Variants in CERS3 observed in about 807,000 individuals in gnomAD.
CERS3 encodes ceramide synthase 3, also known as LAG1 homolog, ceramide synthase 3.
CERS3 carries 33 observed loss-of-function variants against 50.3 expected under a neutral mutation model. That is an observed-to-expected ratio of 0.66 (90% CI 0.50 to 0.88). The LOEUF (loss-of-function observed/expected upper bound fraction) is 0.88. Among genes scored for constraint, CERS3 ranks in the 40% least tolerant of loss-of-function variants. The pLI is 0.00. For synonymous variants in CERS3, 176 were observed against 155.2 expected (o/e 1.13, Z -0.99); for missense variants, 470 against 460.3 (o/e 1.02, Z -0.19).
chr15:100,454,793 G>A (rs2034303957), intron 11 of CERS3, among the ~76,000 whole-genome samples: 1 of 113,536 alleles, frequency 8.8e-6, no homozygotes, highest in Non-Finnish European at 2.1e-5. Context: ...TGTTGAATGG[G>A]AGAAAATATT....
Position 100,509,606 on chromosome 15 carries a change from C to T in CERS3, c.-1-7756G>A, listed in dbSNP as rs995434122. 5.3e-5 allele frequency among the ~76,000 whole-genome samples: 8 copies of T among 152,262 alleles called. 1 individual carries two copies. In the South Asian group the frequency reaches 1.5e-3, roughly 28 times the overall value. ...GCAAGGATGCGCTTGAGTTCACATT[C>T]GCGATCTCTGAACATTATTATGGTT... On this transcript the variant is annotated intron_variant, in intron 2 of 11. Coordinates refer to ENST00000679737, the MANE Select transcript of CERS3 (RefSeq NM_001378789.1).
chr15:100,503,794 G>A (rs2036082423), intron 2 of CERS3: 1 of 467,792 alleles, frequency 2.1e-6, no homozygotes, highest in African/African-American at 2.0e-5. Flanking sequence ...AATAGATGCA[G>A]TCAGCAGAGA....
At chr15:100,513,091 C>T (rs1006878927) in intron 2 of CERS3, among the ~76,000 whole-genome samples, 5 of 152,166 alleles carry the variant, frequency 3.3e-5, no homozygotes, top group African/African-American at 1.2e-4. Flanking sequence ...AGTTCCCTTT[C>T]GAGCCAGAGC....
At chr15:100,428,456 C>A (rs1296005961) in intron 11 of CERS3, among the ~76,000 whole-genome samples, 1 of 152,218 alleles carries the variant, frequency 6.6e-6, no homozygotes, top group African/African-American at 2.4e-5. Flanking sequence ...GGTTCACAAC[C>A]TCGGCACTGT....
At chr15:100,424,699 T>G (rs1323630509) in intron 11 of CERS3, among the ~76,000 whole-genome samples, 1 of 152,234 alleles carries the variant, frequency 6.6e-6, no homozygotes, top group Non-Finnish European at 1.5e-5. Flanking sequence ...TATGACAGCA[T>G]ATGCTCATCT....
chr15:100,452,702 A>C (rs2034215499), intron 11 of CERS3, among the ~76,000 whole-genome samples: 1 of 152,136 alleles, frequency 6.6e-6, no homozygotes, highest in South Asian at 2.1e-4. Flanking sequence ...ACAAAGAATC[A>C]ACAAAATTAG....
intron 2 of CERS3, among the ~76,000 whole-genome samples, chr15:100,510,197 T>C (rs1035126718): frequency 4.6e-5 from 7 of 152,080 alleles, no homozygotes; most frequent in Non-Finnish European, 1.0e-4. Flanking sequence ...TAGAACAACT[T>C]AACCTTGAAG....
At chr15:100,537,146 T>C (rs2037094253) in intron 1 of CERS3, among the ~76,000 whole-genome samples, 1 of 152,188 alleles carries the variant, frequency 6.6e-6, no homozygotes, top group Admixed American at 6.5e-5. Flanking sequence ...AGGGGTACTC[T>C]CTCTTCAGCC....
rs529686905 is a variant in CERS3, at chr15:100,421,479, A to T, written c.1000-18614T>A. 7.4e-4 allele frequency among the ~76,000 whole-genome samples: 112 copies of T among 152,230 alleles called. No individual in the cohort carries two copies. In the Middle Eastern group the frequency reaches 0.014, roughly 18 times the overall value. On this transcript the variant is annotated intron_variant, in intron 11 of 11. Coordinates refer to ENST00000679737, the MANE Select transcript of CERS3 (RefSeq NM_001378789.1). Reference sequence around the variant, plus strand: ...ACATTCCATGCTCATGGGTAGGAAGAAACAATATCGTGAAAATGGCCACAC... The same window carrying T: ...ACATTCCATGCTCATGGGTAGGAAGTAACAATATCGTGAAAATGGCCACAC...
intron 2 of CERS3, among the ~76,000 whole-genome samples, chr15:100,503,238 G>A (rs2036065052): frequency 6.6e-6 from 1 of 152,194 alleles, no homozygotes; most frequent in South Asian, 2.1e-4. Context: ...ACTACCAGTG[G>A]GTTGGTACTA....
chr15:100,449,007 A>C (rs1235520672), intron 11 of CERS3, among the ~76,000 whole-genome samples: 2 of 152,166 alleles, frequency 1.3e-5, no homozygotes, highest in East Asian at 1.9e-4. Flanking sequence ...CACTCTTCCC[A>C]GTAGCAGGGC....
chr15:100,531,304 T>A (rs1022893688), upstream of CERS3, among the ~76,000 whole-genome samples: 14 of 152,336 alleles, frequency 9.2e-5, no homozygotes, highest in East Asian at 2.5e-3. Context: ...CAAGGTGTAA[T>A]TCTTCCCCCT....
At chr15:100,488,100 C>A (rs2587772) in intron 4 of CERS3, among the ~76,000 whole-genome samples, 119,121 of 152,114 alleles carry the variant, frequency 0.78, 48,336 homozygotes, top group East Asian at 0.92. Flanking sequence ...CAGACACACA[C>A]CTGCATAGAT....
At chr15:100,431,380 CTATT>C (rs2033124338) in intron 11 of CERS3, among the ~76,000 whole-genome samples, 1 of 152,042 alleles carries the variant, frequency 6.6e-6, no homozygotes, top group Non-Finnish European at 1.5e-5. Flanking sequence ...GAAAAATGTG[CTATT>C]TAAAGAATTC....
rs535044440 is a variant in CERS3 at position 100,425,206 on chromosome 15, T to C, written c.1000-22341A>G. On this transcript the variant is annotated intron_variant, in intron 11 of 11. Transcript: ENST00000679737. ...GTAGGGCTGGAGCCCCCACACAGAG[T>C]TCCTACCAGGGCACTACTGAGTGGA... Among the ~76,000 whole-genome samples the C allele has an allele frequency of 2.8e-4, 43 of 152,222 alleles. No individual in the cohort carries two copies. In the Middle Eastern group the frequency reaches 0.014, roughly 48 times the overall value.
chr15:100,433,464 C>T (rs2033235432), intron 11 of CERS3, among the ~76,000 whole-genome samples: 1 of 152,124 alleles, frequency 6.6e-6, no homozygotes, highest in Non-Finnish European at 1.5e-5. Context: ...TACAAATTCC[C>T]CTCTCTAGAT....
At chr15:100,437,977 GA>G (rs1360563253) in intron 11 of CERS3, 1 of 149,498 alleles carries the variant, frequency 6.7e-6, no homozygotes, top group Non-Finnish European at 1.5e-5. Context: ...TAAGTTACAA[GA>G]TTTATGCTGC....
At chr15:100,542,585 A>C (rs183847814) in intron 1 of CERS3, among the ~76,000 whole-genome samples, 9 of 152,342 alleles carry the variant, frequency 5.9e-5, no homozygotes, top group Admixed American at 4.6e-4. Context: ...GGAGCTAATT[A>C]GTGCATAAAA....
At chr15:100,456,709 G>T (rs113677601) in intron 10 of CERS3, among the ~76,000 whole-genome samples, 1 of 152,164 alleles carries the variant, frequency 6.6e-6, no homozygotes, top group Non-Finnish European at 1.5e-5. Context: ...CACTTTGGGA[G>T]GCCAAGGTGG....
Sources: gnomAD v4.1 joint callset for allele counts (sites outside exome capture counted in the v4.1 genomes callset) on GRCh38, gnomAD v4.1.1 for gene constraint, MANE v1.5 for transcripts, NCBI Gene and HGNC (gene_info 2026-07-23, HGNC 2026-07-21) for gene names.